The following RANBP9 variants were observed in gnomAD, a reference collection of about 807,000 sequenced individuals.
RANBP9 encodes the protein RAN binding protein 9.
A neutral mutation model predicts 84.3 loss-of-function variants in RANBP9; 15 were observed. The observed-to-expected ratio is 0.18, with a 90% CI of 0.12 to 0.27. The LOEUF (loss-of-function observed/expected upper bound fraction) is 0.27. Among genes scored for constraint, RANBP9 ranks in the 10% least tolerant of loss-of-function variants. The pLI, the probability that RANBP9 is intolerant of heterozygous loss-of-function variation, is 1.00. For synonymous variants in RANBP9, 392 were observed against 349.6 expected, an observed-to-expected ratio of 1.12 and a Z score of -1.35; for missense variants, 809 against 912.8, an observed-to-expected ratio of 0.89 and a Z score of 1.46.
At position 13,711,576 on chromosome 6, in the gene RANBP9, G is replaced by C. The variant is rs2113380710; in HGVS notation, c.-71C>G. The C allele has an allele frequency of 1.6e-6, 2 of 1,218,868 alleles. No individual in the cohort carries two copies. The highest frequency in any genetic ancestry group is 2.1e-6 in the Non-Finnish European group (2 of 972,896). 75.5% of individuals were successfully genotyped at this position (1,218,868 alleles called of 1,614,324 possible). ...TCCTCCTCTGCTTCCCGGGGGCGCT[G>C]TCGCTGCGGCCGCCGGCACCAGGCG... On this transcript the variant is annotated 5_prime_UTR_variant, in exon 1 of 14. Transcript: ENST00000011619.
chr6:13,684,285 G>T (rs151223582), intron 2 of RANBP9, among the ~76,000 whole-genome samples: 68 of 152,224 alleles, frequency 4.5e-4, no homozygotes, highest in African/African-American at 1.6e-3. Context: ...TTAGCCAAAT[G>T]CAGCAAATCC....
intron 13 of RANBP9, among the ~76,000 whole-genome samples, chr6:13,623,651 C>CT (rs1457588005): frequency 1.3e-5 from 2 of 152,210 alleles, no homozygotes; most frequent in East Asian, 1.9e-4. Flanking sequence ...GGCGATGCAT[C>CT]TTTAACTTTT....
chr6:13,690,974 C>A (rs1766310157), intron 2 of RANBP9, among the ~76,000 whole-genome samples: 1 of 151,966 alleles, frequency 6.6e-6, no homozygotes, highest in Non-Finnish European at 1.5e-5. Flanking sequence ...CAAGACCGGC[C>A]TGGCCAACAT....
chr6:13,679,322 A>C (rs2113324937), intron 2 of RANBP9, among the ~76,000 whole-genome samples: 1 of 152,356 alleles, frequency 6.6e-6, no homozygotes, highest in Admixed American at 6.5e-5. Flanking sequence ...TATATTTACT[A>C]AGATGGCCTT....
intron 5 of RANBP9, among the ~76,000 whole-genome samples, chr6:13,646,331 C>A (rs933650451): frequency 6.6e-6 from 1 of 152,140 alleles, no homozygotes; most frequent in African/African-American, 2.4e-5. Context: ...ATCGCTTGAA[C>A]CGGGGATGGG....
chr6:13,701,178 G>A (rs1757959383), intron 1 of RANBP9, among the ~76,000 whole-genome samples: 1 of 151,888 alleles, frequency 6.6e-6, no homozygotes, highest in East Asian at 1.9e-4. Context: ...TCCCTCATAT[G>A]CCCATCATTC....
chr6:13,708,863 A>G (rs1393470084), intron 1 of RANBP9, among the ~76,000 whole-genome samples: 1 of 152,066 alleles, frequency 6.6e-6, no homozygotes, highest in Admixed American at 6.6e-5. Flanking sequence ...CAGTAACAAG[A>G]CAAGAGGAAG....
chr6:13,653,908 C>T (rs1020642351), intron 4 of RANBP9, among the ~76,000 whole-genome samples: 1 of 151,934 alleles, frequency 6.6e-6, no homozygotes, highest in African/African-American at 2.4e-5. Flanking sequence ...AAAGCAAGTA[C>T]TATCAGCCCA....
chr6:13,700,960 G>A (rs1345343071), intron 1 of RANBP9, among the ~76,000 whole-genome samples: 2 of 152,150 alleles, frequency 1.3e-5, no homozygotes, highest in Non-Finnish European at 2.9e-5. Flanking sequence ...TGGTTTTCCA[G>A]CCACGCATTC....
At chr6:13,643,548 G>T (rs1480765010) in intron 6 of RANBP9, among the ~76,000 whole-genome samples, 2 of 152,150 alleles carry the variant, frequency 1.3e-5, no homozygotes, top group African/African-American at 4.8e-5. Flanking sequence ...TTAATTTAAG[G>T]GGGAGGGGAC....
At chr6:13,710,481 T>G (rs1044582509) in intron 1 of RANBP9, among the ~76,000 whole-genome samples, 1 of 152,138 alleles carries the variant, frequency 6.6e-6, no homozygotes, top group African/African-American at 2.4e-5. Flanking sequence ...CTGCTCTCTC[T>G]TAATTAGAAA....
chr6:13,651,374 T>G (rs985681400), intron 5 of RANBP9, among the ~76,000 whole-genome samples: 1 of 145,386 alleles, frequency 6.9e-6, no homozygotes, highest in Admixed American at 7.0e-5. Context: ...CATATAGTTT[T>G]TTGTTGTTGT....
chr6:13,645,716 T>C (rs1304918504), intron 5 of RANBP9, among the ~76,000 whole-genome samples: 1 of 152,234 alleles, frequency 6.6e-6, no homozygotes, highest in Non-Finnish European at 1.5e-5. Context: ...ATTTTTCCTC[T>C]TGCAACTCCA....
At chr6:13,675,624 A>G (rs1328386668) in intron 2 of RANBP9, among the ~76,000 whole-genome samples, 2 of 151,910 alleles carry the variant, frequency 1.3e-5, no homozygotes, top group East Asian at 1.9e-4. Flanking sequence ...AAATAGAGAT[A>G]GCAATGAAAT....
chr6:13,679,294 C>T (rs1490972508), intron 2 of RANBP9, among the ~76,000 whole-genome samples: 1 of 152,152 alleles, frequency 6.6e-6, no homozygotes, highest in Non-Finnish European at 1.5e-5. Context: ...TATACAATAC[C>T]TAAAATTAAG....
intron 2 of RANBP9, among the ~76,000 whole-genome samples, chr6:13,666,628 A>AAAAAAAAAAAAAAAAT (rs1765655659): frequency 7.7e-6 from 1 of 129,432 alleles, no homozygotes; most frequent in Non-Finnish European, 1.6e-5. Context: ...AAAAAAAAAA[A>AAAAAAAAAAAAAAAAT]GATTGGCAGG....
At chr6:13,683,642 A>C (rs1415490099) in intron 2 of RANBP9, among the ~76,000 whole-genome samples, 3 of 152,200 alleles carry the variant, frequency 2.0e-5, no homozygotes, top group Non-Finnish European at 4.4e-5. Flanking sequence ...GTCAACTGCC[A>C]TTAATCCAGG....
At chr6:13,625,830 C>T (rs943963099) in intron 12 of RANBP9, 66 bp from the exon 13 acceptor site, 61 of 1,192,160 alleles carry the variant, frequency 5.1e-5, no homozygotes, top group Non-Finnish European at 7.1e-5. Flanking sequence ...CAAATGTTTC[C>T]AAGTTGAGAG....
intron 10 of RANBP9, among the ~76,000 whole-genome samples, chr6:13,637,509 G>A (rs543227058): frequency 1.3e-5 from 2 of 152,314 alleles, no homozygotes; most frequent in African/African-American, 4.8e-5. Flanking sequence ...GTGATCATTT[G>A]TATAGCTCTG....
Sources: allele counts gnomAD v4.1 joint callset (sites outside exome capture counted in the v4.1 genomes callset), GRCh38; gene constraint gnomAD v4.1.1; transcripts MANE v1.5; gene names NCBI Gene and HGNC (gene_info 2026-07-23, HGNC 2026-07-21).